Variants in POTEE observed in about 807,000 individuals in gnomAD.
POTEE encodes the protein POTE ankyrin domain family member E.
In POTEE, 21 loss-of-function variants were observed where a neutral mutation model predicts 74.2. The ratio of observed to expected loss-of-function variants is 0.28; its 90% confidence interval spans 0.20 to 0.41. The LOEUF (loss-of-function observed/expected upper bound fraction) is 0.41, where lower values mean the gene tolerates loss of function less well. Ranked by LOEUF, POTEE falls within the 10% of genes least tolerant of loss-of-function variation. The pLI, the probability that POTEE is intolerant of heterozygous loss-of-function variation, is 1.00. For missense variants in POTEE, 525 were observed against 1,158.6 expected (o/e 0.45, Z 7.94); for synonymous variants, 211 against 432.8 (o/e 0.49, Z 6.36).
intron 2 of POTEE, among the ~76,000 whole-genome samples, chr2:131,211,621 C>G (rs193094570): frequency 9.7e-4 from 133 of 137,762 alleles, no homozygotes; most frequent in African/African-American, 3.6e-3. Context: ...GGTGCGATCT[C>G]GGCTCACTGC....
chr2:131,218,218 G>A, intron 3 of POTEE, 92 bp from the exon 4 acceptor site: 1 of 944,780 alleles, frequency 1.1e-6, no homozygotes. Context: ...CCTCGGGTGG[G>A]TGTGGGTTTT....
At chr2:131,260,455 G>T in intron 16 of POTEE, among the ~76,000 whole-genome samples, 1 of 117,752 alleles carries the variant, frequency 8.5e-6, no homozygotes, top group East Asian at 2.7e-4. Flanking sequence ...AACATAAGAT[G>T]TATTTTCATT....
rs548484991 is a variant in POTEE, at chr2:131,216,809, A to G, written c.-188-780A>G. ...TGAAAGTAGTAAGTCACACGTAACT[A>G]TATTATTATGATTCCACTTACATGA... On this transcript the variant is annotated intron_variant, in intron 2 of 17. Transcript: ENST00000683005. 1.2e-3 allele frequency among the ~76,000 whole-genome samples: 182 copies of G among 151,856 alleles called. 1 individual carries two copies. Among genetic ancestry groups the G allele is most frequent in the Middle Eastern group, 6.8e-3 (2 of 294 alleles).
chr2:131,263,768 G>T lies in POTEE; in HGVS notation c.2313G>T (p.Met771Ile), dbSNP rs1278627588. Residue 771 changes from methionine (M) to isoleucine (I), a missense_variant, in exon 18 of 18, where the codon ATG (methionine) becomes ATT (isoleucine). Physicochemically the swap from Met to Ile is conservative, Grantham distance 10. Transcript: ENST00000683005. ...KRGILTLKYP[M>I]EHGIITNWDD... ...GCATCCTGACCCTGAAGTACCCCAT[G>T]GAACACGGCATCATCACCAACTGGG... The T allele has an allele frequency of 3.1e-6, 5 of 1,612,982 alleles. No homozygotes were observed. Among genetic ancestry groups the T allele is most frequent in the Non-Finnish European group, 8.5e-7 (1 of 1,179,938 alleles).
At chr2:131,230,795 T>C in intron 8 of POTEE, 41 bp from the exon 9 acceptor site, 1 of 1,566,052 alleles carries the variant, frequency 6.4e-7, no homozygotes, top group Non-Finnish European at 8.7e-7. Flanking sequence ...TTTATATCAG[T>C]ATTAAAATAG....
chr2:131,229,925 A>T (rs185855342), intron 8 of POTEE, among the ~76,000 whole-genome samples: 3,579 of 152,210 alleles, frequency 0.024, 70 homozygotes, highest in African/African-American at 0.051. Context: ...ACAGAATGTC[A>T]GCTTGCTACT....
chr2:131,224,628 T>G (rs181508430), intron 6 of POTEE, among the ~76,000 whole-genome samples: 203 of 149,620 alleles, frequency 1.4e-3, no homozygotes, highest in South Asian at 7.0e-3. Context: ...TGTGTGTGTG[T>G]TGTTGTTGTT....
chr2:131,226,596 A>G (rs2105081795), intron 6 of POTEE, among the ~76,000 whole-genome samples: 1 of 149,446 alleles, frequency 6.7e-6, no homozygotes, highest in South Asian at 2.1e-4. Flanking sequence ...AAATGTTTAA[A>G]GTGAGTTTTT....
rs375157128 is a variant in POTEE at position 131,263,721 on chromosome 2, A to G, written c.2266A>G (p.Lys756Glu). 1,478 of 1,610,992 alleles carry G rather than the reference A, an allele frequency of 9.2e-4. 3 individuals carry two copies. Among genetic ancestry groups the G allele is most frequent in the Admixed American group, 1.7e-3 (101 of 59,942 alleles). Residue 756 changes from lysine (K) to glutamate (E), a missense_variant, in exon 18 of 18, where the codon AAG becomes GAG. Lys to Glu is a moderately conservative substitution (Grantham distance 56, BLOSUM62 1). Transcript: ENST00000683005. ...GMHQKESYVG[K>E]EAQSKRGILT... ...GCATCAGAAAGAGTCCTATGTGGGC[A>G]AGGAGGCCCAGAGCAAGAGAGGCAT... is the stretch of plus-strand genomic sequence containing the variant.
At chr2:131,237,546 T>C (rs1701172086) in intron 10 of POTEE, among the ~76,000 whole-genome samples, 1 of 151,836 alleles carries the variant, frequency 6.6e-6, no homozygotes, top group South Asian at 2.1e-4. Flanking sequence ...AAAAAATCTT[T>C]ATCCACTGTA....
At chr2:131,253,220 T>TAC (rs1437375205) in intron 16 of POTEE, 121 bp downstream of exon 16, 118 of 810,708 alleles carry the variant, frequency 1.5e-4, no homozygotes, top group Non-Finnish European at 2.0e-4. Flanking sequence ...CCTTGCCTGT[T>TAC]AATCAGAAAA....
At chr2:131,229,977 C>A (rs190657317) in intron 8 of POTEE, among the ~76,000 whole-genome samples, 56 of 152,112 alleles carry the variant, frequency 3.7e-4, no homozygotes, top group Non-Finnish European at 3.1e-4. Flanking sequence ...GACTTTTGGT[C>A]TCCCATGTCA....
At chr2:131,215,147 T>A (rs1337543101) in intron 2 of POTEE, among the ~76,000 whole-genome samples, 1 of 151,758 alleles carries the variant, frequency 6.6e-6, no homozygotes, top group Non-Finnish European at 1.5e-5. Flanking sequence ...GGGAATGACA[T>A]TTTTACTTTC....
intron 4 of POTEE, 43 bp from the exon 5 acceptor site, chr2:131,223,553 C>G (rs971843884): frequency 6.2e-7 from 1 of 1,610,832 alleles, no homozygotes; most frequent in Non-Finnish European, 8.5e-7. Flanking sequence ...ATGGCTGTAG[C>G]TAGTGCACTA....
At chr2:131,236,319 CT>C (rs1283513931) in intron 9 of POTEE, among the ~76,000 whole-genome samples, 30 of 152,208 alleles carry the variant, frequency 2.0e-4, no homozygotes, top group Non-Finnish European at 3.4e-4. Flanking sequence ...TCACCACGAC[CT>C]TTCCTGGGCC....
intron 6 of POTEE, among the ~76,000 whole-genome samples, chr2:131,225,989 G>A (rs1342801055): frequency 6.6e-6 from 1 of 152,128 alleles, no homozygotes; most frequent in African/African-American, 2.4e-5. Context: ...GTAGAGGATG[G>A]CCCTCTCAGG....
At chr2:131,216,164 A>G (rs984632404) in intron 2 of POTEE, among the ~76,000 whole-genome samples, 4 of 151,730 alleles carry the variant, frequency 2.6e-5, no homozygotes, top group African/African-American at 9.7e-5. Context: ...TATACTGAAA[A>G]TTATAGCACA....
chr2:131,260,638 G>A (rs1346896545), intron 16 of POTEE, among the ~76,000 whole-genome samples: 1 of 148,402 alleles, frequency 6.7e-6, no homozygotes, highest in African/African-American at 2.6e-5. Context: ...GTGTATAGTG[G>A]TGCTACTGAT....
chr2:131,223,338 C>G (rs1051651887), intron 4 of POTEE, among the ~76,000 whole-genome samples: 2 of 147,862 alleles, frequency 1.4e-5, no homozygotes, highest in African/African-American at 5.2e-5. Flanking sequence ...CAGGAAGTGA[C>G]AGAGCTTCAA....
Sources: gnomAD v4.1 joint callset for allele counts (sites outside exome capture counted in the v4.1 genomes callset) on GRCh38, gnomAD v4.1.1 for gene constraint, MANE v1.5 for transcripts, NCBI Gene and HGNC (gene_info 2026-07-23, HGNC 2026-07-21) for gene names.